Variants in ENTREP2 observed in about 807,000 individuals in gnomAD.
ENTREP2 encodes protein ENTREP2.
chr15:29,650,215 G>T, the ENTREP2 span, among the ~76,000 whole-genome samples: 1 of 151,868 alleles, frequency 6.6e-6, no homozygotes, highest in Non-Finnish European at 1.5e-5. Flanking sequence ...TTTCCCACCT[G>T]GGAAGCCAAT....
the ENTREP2 span, among the ~76,000 whole-genome samples, chr15:29,249,304 T>A: frequency 6.6e-6 from 1 of 152,164 alleles, no homozygotes; most frequent in African/African-American, 2.4e-5. Context: ...CAAGACTTCA[T>A]CTCAAAAAAT....
the ENTREP2 span, among the ~76,000 whole-genome samples, chr15:29,433,473 A>G: frequency 1.3e-5 from 2 of 152,196 alleles, no homozygotes; most frequent in African/African-American, 4.8e-5. Flanking sequence ...TCACATATCC[A>G]TGAGAGAAAG....
At chr15:29,437,638 T>C in the ENTREP2 span, among the ~76,000 whole-genome samples, 1 of 152,218 alleles carries the variant, frequency 6.6e-6, no homozygotes, top group South Asian at 2.1e-4. Context: ...TTTGAAACAG[T>C]GTCTCAGCAG....
chr15:29,373,583 T>C, the ENTREP2 span: 1 of 152,170 alleles, frequency 6.6e-6, no homozygotes, highest in Non-Finnish European at 1.5e-5. Flanking sequence ...TGTTTCTGTT[T>C]TGCTTTCTTT....
the ENTREP2 span, among the ~76,000 whole-genome samples, chr15:29,216,786 C>A: frequency 6.6e-6 from 1 of 151,548 alleles, no homozygotes; most frequent in Non-Finnish European, 1.5e-5. Context: ...ATAAAACATA[C>A]AAAAGTAAAA....
At chr15:29,276,902 A>G in the ENTREP2 span, among the ~76,000 whole-genome samples, 5 of 152,206 alleles carry the variant, frequency 3.3e-5, no homozygotes, top group Non-Finnish European at 5.9e-5. Context: ...AGTTTTGAAT[A>G]TAATGAGAGG....
chr15:29,208,759 C>G, the ENTREP2 span, among the ~76,000 whole-genome samples: 1 of 152,150 alleles, frequency 6.6e-6, no homozygotes, highest in African/African-American at 2.4e-5. Context: ...CAAAGCAATA[C>G]ACGAGAATAG....
At chr15:29,411,385 A>G in the ENTREP2 span, among the ~76,000 whole-genome samples, 883 of 152,148 alleles carry the variant, frequency 5.8e-3, 9 homozygotes, top group African/African-American at 0.021. Flanking sequence ...ATTGAGGCCA[A>G]TCTAGTAGGT....
the ENTREP2 span, among the ~76,000 whole-genome samples, chr15:29,653,887 C>T: frequency 1.7e-4 from 26 of 152,090 alleles, no homozygotes; most frequent in Admixed American, 1.6e-3. Flanking sequence ...CTCCAGAAAT[C>T]GGAAAGAATC....
At chr15:29,629,849 G>T in the ENTREP2 span, among the ~76,000 whole-genome samples, 1 of 152,080 alleles carries the variant, frequency 6.6e-6, no homozygotes, top group Non-Finnish European at 1.5e-5. Flanking sequence ...GGGCATGGTG[G>T]CTCATGCCTG....
the ENTREP2 span, chr15:29,196,437 G>A: frequency 6.4e-7 from 1 of 1,551,332 alleles, no homozygotes. Context: ...CACCTTCAAG[G>A]TCAGCCTCAC....
chr15:29,606,890 G>C, the ENTREP2 span, among the ~76,000 whole-genome samples: 2 of 152,006 alleles, frequency 1.3e-5, no homozygotes, highest in African/African-American at 4.8e-5. Context: ...AGTGAGTACA[G>C]TGGTACAACC....
the ENTREP2 span, among the ~76,000 whole-genome samples, chr15:29,409,597 T>C: frequency 6.6e-6 from 1 of 151,710 alleles, no homozygotes; most frequent in Non-Finnish European, 1.5e-5. Context: ...AGTGCTGGGA[T>C]TACAGGCATG....
At chr15:29,159,093 A>G in the ENTREP2 span, among the ~76,000 whole-genome samples, 1 of 152,198 alleles carries the variant, frequency 6.6e-6, no homozygotes, top group Non-Finnish European at 1.5e-5. Context: ...ACTGACTTCA[A>G]GAACGAAGCT....
chr15:29,223,147 A>G, the ENTREP2 span, among the ~76,000 whole-genome samples: 183 of 152,304 alleles, frequency 1.2e-3, no homozygotes, highest in African/African-American at 4.2e-3. Flanking sequence ...AGTGACTTTT[A>G]AAGTTTACTT....
the ENTREP2 span, among the ~76,000 whole-genome samples, chr15:29,643,685 G>A: frequency 5.9e-5 from 9 of 151,826 alleles, 1 homozygote; most frequent in Non-Finnish European, 7.4e-5. Context: ...GGAGGCTGAG[G>A]CAGGAGAATG....
chr15:29,522,822 T>G, the ENTREP2 span, among the ~76,000 whole-genome samples: 1 of 152,190 alleles, frequency 6.6e-6, no homozygotes, highest in Non-Finnish European at 1.5e-5. Flanking sequence ...GTGTGACATG[T>G]CTTTAGCCTC....
the ENTREP2 span, among the ~76,000 whole-genome samples, chr15:29,591,898 AG>A: frequency 1.4e-5 from 2 of 145,888 alleles, no homozygotes; most frequent in East Asian, 2.0e-4. Flanking sequence ...GAAGAAGAAG[AG>A]AGAAAACACA....
the ENTREP2 span, among the ~76,000 whole-genome samples, chr15:29,544,967 T>G: frequency 6.6e-6 from 1 of 152,164 alleles, no homozygotes; most frequent in South Asian, 2.1e-4. Context: ...TGAATTTGAA[T>G]TGTCCCGTAA....
Sources: allele counts gnomAD v4.1 joint callset (sites outside exome capture counted in the v4.1 genomes callset), GRCh38; gene constraint gnomAD v4.1.1; transcripts MANE v1.5; gene names NCBI Gene and HGNC (gene_info 2026-07-23, HGNC 2026-07-21).